SLC25A48: variants seen among roughly 807,000 people sequenced by gnomAD.
The protein encoded by SLC25A48 is CTC-321K16.1.
In SLC25A48, 29 loss-of-function variants were observed where a neutral mutation model predicts 32.2. The observed-to-expected ratio is 0.90, with a 90% confidence interval of 0.67 to 1.23. The LOEUF is 1.23. Ranked by LOEUF, SLC25A48 falls within the 50% of genes most tolerant of loss-of-function variation. The probability of loss-of-function intolerance (pLI) is 0.00; values close to 1 mark genes in which losing one functional copy is unlikely to be tolerated. For missense variants in SLC25A48, 399 were observed against 422.7 expected, an observed-to-expected ratio of 0.94 and a Z score of 0.49; for synonymous variants, 164 against 172.3, an observed-to-expected ratio of 0.95 and a Z score of 0.38.
intron 3 of SLC25A48, among the ~76,000 whole-genome samples, chr5:135,691,645 A>G (rs542902600): frequency 6.6e-6 from 1 of 152,234 alleles, no homozygotes; most frequent in African/African-American, 2.4e-5. Context: ...TGGATACTCT[A>G]TAAATGACCT....
intron 1 of SLC25A48, among the ~76,000 whole-genome samples, chr5:135,841,155 T>C (rs1758956551): frequency 6.6e-6 from 1 of 152,226 alleles, no homozygotes; most frequent in Non-Finnish European, 1.5e-5. Context: ...AATTTGCATT[T>C]CCCAAATGAC....
intron 3 of SLC25A48, among the ~76,000 whole-genome samples, chr5:135,643,493 C>G (rs1752887707): frequency 6.6e-6 from 1 of 152,324 alleles, no homozygotes; most frequent in South Asian, 2.1e-4. Flanking sequence ...AGAAGAGCAT[C>G]TCCCATCTAG....
intron 3 of SLC25A48, among the ~76,000 whole-genome samples, chr5:135,786,900 A>G (rs1408424369): frequency 6.6e-6 from 1 of 152,024 alleles, no homozygotes; most frequent in Non-Finnish European, 1.5e-5. Flanking sequence ...CAGTAGGTGT[A>G]CACCATGTGT....
chr5:135,775,449 C>T (rs1756529731), intron 3 of SLC25A48, among the ~76,000 whole-genome samples: 1 of 151,304 alleles, frequency 6.6e-6, no homozygotes. Context: ...ATATGACTCC[C>T]TATATTGAAG....
intron 1 of SLC25A48, among the ~76,000 whole-genome samples, chr5:135,582,644 C>T (rs954438782): frequency 1.3e-5 from 2 of 152,148 alleles, no homozygotes; most frequent in Non-Finnish European, 2.9e-5. Flanking sequence ...AGCCAAGTCC[C>T]CAGCAGTGCG....
chr5:135,750,004 C>A (rs1365120784), intron 3 of SLC25A48, among the ~76,000 whole-genome samples: 1 of 152,198 alleles, frequency 6.6e-6, no homozygotes, highest in East Asian at 1.9e-4. Flanking sequence ...CATCCATCGT[C>A]TGTCTCTAGC....
intron 1 of SLC25A48, among the ~76,000 whole-genome samples, chr5:135,595,074 TC>T (rs1751613597): frequency 6.6e-6 from 1 of 152,106 alleles, no homozygotes; most frequent in South Asian, 2.1e-4. Context: ...TAGGACACTG[TC>T]TCAGGCCTCA....
At chr5:135,666,657 CAGAGAGAGAGAGAG>C (rs70976575) in intron 3 of SLC25A48, among the ~76,000 whole-genome samples, 51 of 150,058 alleles carry the variant, frequency 3.4e-4, no homozygotes, top group Admixed American at 1.8e-3. Flanking sequence ...TTCAGGGCAT[CAGAGAGAGAGAGAG>C]AGAGAGAGAG....
At chr5:135,847,168 G>T (rs1308414350) in intron 2 of SLC25A48, among the ~76,000 whole-genome samples, 1 of 152,176 alleles carries the variant, frequency 6.6e-6, no homozygotes, top group Admixed American at 6.5e-5. Flanking sequence ...CACTGAAGCT[G>T]GGCTAGGGAA....
intron 3 of SLC25A48, among the ~76,000 whole-genome samples, chr5:135,794,648 G>A (rs72791351): frequency 2.8e-4 from 40 of 143,678 alleles, no homozygotes; most frequent in African/African-American, 5.3e-4. Context: ...CAAGATCGCA[G>A]GGGGTGTACA....
At chr5:135,632,685 C>A (rs1752604986) in intron 2 of SLC25A48, among the ~76,000 whole-genome samples, 1 of 152,186 alleles carries the variant, frequency 6.6e-6, no homozygotes, top group African/African-American at 2.4e-5. Context: ...TTTTTTAAAT[C>A]ATCATTTCCC....
intron 3 of SLC25A48, among the ~76,000 whole-genome samples, chr5:135,697,197 G>A (rs954262411): frequency 2.0e-5 from 3 of 152,152 alleles, no homozygotes; most frequent in Non-Finnish European, 4.4e-5. Flanking sequence ...AAGAGACTCC[G>A]AGGAAGGAAT....
chr5:135,598,192 G>A (rs1580711542), intron 1 of SLC25A48, among the ~76,000 whole-genome samples: 1 of 152,142 alleles, frequency 6.6e-6, no homozygotes, highest in African/African-American at 2.4e-5. Context: ...AGTTATGTTG[G>A]CTTTCCTGGG....
intron 3 of SLC25A48, chr5:135,652,425 A>G (rs762743965): frequency 2.2e-6 from 1 of 456,210 alleles, no homozygotes; most frequent in South Asian, 1.5e-5. Context: ...CACCATTATG[A>G]CATTCTCCAT....
chr5:135,776,502 A>AG (rs965886964), intron 3 of SLC25A48, among the ~76,000 whole-genome samples: 18 of 151,920 alleles, frequency 1.2e-4, no homozygotes, highest in Middle Eastern at 3.2e-3. Flanking sequence ...CCTAATATCC[A>AG]GGGGGGAAGA....
intron 2 of SLC25A48, 23 bp from the exon 3 acceptor site, chr5:135,850,402 C>T (rs1390475737): frequency 6.2e-7 from 1 of 1,613,536 alleles, no homozygotes; most frequent in Admixed American, 1.7e-5. Context: ...TGCGCTGACC[C>T]ATGTCCTTGC....
intron 3 of SLC25A48, among the ~76,000 whole-genome samples, chr5:135,811,299 A>G (rs1264067445): frequency 5.3e-5 from 8 of 152,224 alleles, no homozygotes; most frequent in Admixed American, 5.2e-4. Flanking sequence ...ACATTTTATA[A>G]AGTGAAATAA....
chr5:135,586,116 A>C (rs1428823833), intron 1 of SLC25A48, among the ~76,000 whole-genome samples: 1 of 152,164 alleles, frequency 6.6e-6, no homozygotes, highest in Non-Finnish European at 1.5e-5. Flanking sequence ...TGTTGCCCAA[A>C]ATAACTACCA....
intron 1 of SLC25A48, among the ~76,000 whole-genome samples, chr5:135,580,411 A>G (rs144277832): frequency 3.9e-5 from 6 of 152,330 alleles, no homozygotes; most frequent in Non-Finnish European, 8.8e-5. Context: ...TCAGCCTGGC[A>G]GTTCCCTGGA....
Sources: gnomAD v4.1 joint callset for allele counts (sites outside exome capture counted in the v4.1 genomes callset) on GRCh38, gnomAD v4.1.1 for gene constraint, MANE v1.5 for transcripts, NCBI Gene and HGNC (gene_info 2026-07-23, HGNC 2026-07-21) for gene names.